COL26A1: variants seen among roughly 807,000 people sequenced by gnomAD.
The protein encoded by COL26A1 is collagen type XXVI alpha 1 chain.
A neutral mutation model predicts 59.3 loss-of-function variants in COL26A1; 41 were observed. The observed-to-expected ratio is 0.69, with a 90% CI of 0.54 to 0.90. COL26A1 has a LOEUF of 0.90. Ranked by LOEUF, COL26A1 falls within the 40% of genes least tolerant of loss-of-function variation. COL26A1 has a pLI of 0.00. For synonymous variants in COL26A1, 266 were observed against 256.0 expected (o/e 1.04, Z -0.37); for missense variants, 612 against 602.3 (o/e 1.02, Z -0.17).
chr7:101,416,305 T>C (rs1021456813), intron 1 of COL26A1, among the ~76,000 whole-genome samples: 5 of 142,650 alleles, frequency 3.5e-5, no homozygotes, highest in African/African-American at 7.4e-5. Flanking sequence ...GATGGGAGGA[T>C]TGCATGAGCC....
chr7:101,471,571 G>GTTTTTTTTTTTTTTTTT (rs71517177), intron 3 of COL26A1, among the ~76,000 whole-genome samples: 2 of 92,968 alleles, frequency 2.2e-5, no homozygotes, highest in Non-Finnish European at 4.5e-5. Flanking sequence ...GTTGTTGTTT[G>GTTTTTTTTTTTTTTTTT]TTTTTTTTTT....
intron 1 of COL26A1, among the ~76,000 whole-genome samples, chr7:101,365,774 G>T (rs2116992503): frequency 6.6e-6 from 1 of 151,842 alleles, no homozygotes; most frequent in East Asian, 1.9e-4. Context: ...GTTTTGCAAG[G>T]AGCGTATATT....
At chr7:101,510,653 G>T (rs372912406) in intron 3 of COL26A1, among the ~76,000 whole-genome samples, 2 of 152,154 alleles carry the variant, frequency 1.3e-5, no homozygotes, top group African/African-American at 4.8e-5. Context: ...GACTACAGGT[G>T]AGCACCACCA....
At chr7:101,510,038 T>TTTTTTTTTTTTTTTTTTTTTTTTC (rs1794891106) in intron 3 of COL26A1, among the ~76,000 whole-genome samples, 1 of 149,876 alleles carries the variant, frequency 6.7e-6, no homozygotes, top group African/African-American at 2.5e-5. Flanking sequence ...TTTTTTTTTT[T>TTTTTTTTTTTTTTTTTTTTTTTTC]TTTAAGAGGG....
Position 101,545,474 on chromosome 7 carries a change from G to A in COL26A1, c.840G>A (p.Pro280=), listed in dbSNP as rs374228629. Residue 280 remains proline (P), a synonymous_variant, in exon 7 of 13, where the codon CCG becomes CCA. Transcript: ENST00000313669. The part of the protein sequence containing the change: ...SPQGALYSLQ[P]PTDKDNGDSR... ...AGGGCGCCCTCTACTCCCTGCAGCCGCCTACAGACAAAGACAGTGAGTAAT... is the reference window on the plus strand; with the variant it reads ...AGGGCGCCCTCTACTCCCTGCAGCCACCTACAGACAAAGACAGTGAGTAAT... 1.6e-4 allele frequency: 264 copies of A among 1,606,354 alleles called. 2 individuals are homozygous for A. Among genetic ancestry groups the A allele is most frequent in the Middle Eastern group, 8.4e-4 (5 of 5,940 alleles).
chr7:101,431,185 G>T (rs1023639439), intron 2 of COL26A1, among the ~76,000 whole-genome samples: 1 of 152,124 alleles, frequency 6.6e-6, no homozygotes, highest in Non-Finnish European at 1.5e-5. Flanking sequence ...AGTGTGGAGA[G>T]AATTGTTTGT....
intron 1 of COL26A1, among the ~76,000 whole-genome samples, chr7:101,394,801 A>C (rs2130166900): frequency 6.6e-6 from 1 of 150,656 alleles, no homozygotes; most frequent in Middle Eastern, 3.5e-3. Context: ...ATGAGAAAGC[A>C]GGAGACCTCC....
chr7:101,541,602 C>T (rs748707927), intron 5 of COL26A1, among the ~76,000 whole-genome samples: 10 of 151,810 alleles, frequency 6.6e-5, no homozygotes, highest in Non-Finnish European at 7.4e-5. Context: ...CCTCATGCCT[C>T]GGCTTCCCAA....
Position 101,555,852 on chromosome 7 carries a change from G to A in COL26A1, c.1146G>A (p.Glu382=), listed in dbSNP as rs1163975701. The A allele has an allele frequency of 6.2e-7, 1 of 1,610,604 alleles. No individual in the cohort carries two copies. Among genetic ancestry groups the A allele is most frequent in the South Asian group, 1.1e-5 (1 of 89,906 alleles). Residue 382 remains glutamate, a synonymous_variant, in exon 12 of 13, where the codon GAG becomes GAA. Transcript: ENST00000313669. Reference sequence around the variant, plus strand: ...TGGCAGAGCGAGTCCTCATCCTGGAGCACATGATTGGGATCCACGGTGAGC... The same window carrying A: ...TGGCAGAGCGAGTCCTCATCCTGGAACACATGATTGGGATCCACGGTGAGC... The part of the protein sequence containing the change: ...KILAERVLIL[E]HMIGIHDPLA...
chr7:101,377,287 C>A (rs1791340658), intron 1 of COL26A1, among the ~76,000 whole-genome samples: 1 of 150,088 alleles, frequency 6.7e-6, no homozygotes, highest in Admixed American at 6.6e-5. Context: ...GGATTACAGG[C>A]ATGAGTCACT....
rs750899169 is a variant in COL26A1, at chr7:101,555,879, G to A, written c.1165+8G>A. 2 of 1,601,874 alleles carry A rather than the reference G, an allele frequency of 1.2e-6. No individual in the cohort carries two copies. The highest frequency in any genetic ancestry group is 2.3e-5 in the South Asian group (2 of 88,370). ...ACATGATTGGGATCCACGGTGAGCA[G>A]TGACCAGGATCAGCGGGCTGGGAAT... On this transcript the variant is annotated splice_region_variant and intron_variant, in intron 12 of 12. Transcript: ENST00000313669.
Position 101,373,015 on chromosome 7 carries a change from C to G in COL26A1, c.158+9825C>G, listed in dbSNP as rs117473484. Among the ~76,000 whole-genome samples the G allele has an allele frequency of 1.0e-3, 157 of 152,252 alleles. 1 individual carries two copies. In the East Asian group the frequency reaches 0.024, roughly 23 times the overall value. ...ACCATGGGCTTGGGCAGGCAGAGGA[C>G]AGGCACTGAGCTTTTGGAGTCTGGA... On this transcript the variant is annotated intron_variant, in intron 1 of 12. Transcript: ENST00000313669.
chr7:101,401,899 C>T (rs756376158), intron 1 of COL26A1, among the ~76,000 whole-genome samples: 13 of 152,226 alleles, frequency 8.5e-5, no homozygotes, highest in South Asian at 6.2e-4. Context: ...GTCGAAGCCA[C>T]GTTTCCTCTC....
chr7:101,460,673 C>T (rs1414787233), intron 3 of COL26A1, among the ~76,000 whole-genome samples: 1 of 151,888 alleles, frequency 6.6e-6, no homozygotes, highest in Non-Finnish European at 1.5e-5. Context: ...CCCAGCTACA[C>T]AGGAGGCTGA....
rs550056578 is a variant in COL26A1 at position 101,551,249 on chromosome 7, G to C, written c.1029+106G>C. The C allele has an allele frequency of 2.5e-5, 28 of 1,109,268 alleles. No individual in the cohort carries two copies. The East Asian group carries it at 7.3e-4, about 29-fold the overall frequency. The allele number at this position is 1,109,268 out of a possible 1,614,324, so 68.7% of individuals were successfully genotyped here. On this transcript the variant is annotated intron_variant, in intron 10 of 12. Transcript: ENST00000313669. Reference sequence around the variant, plus strand: ...GGTTGGTGGGGGGGTTCAGCCCTGGGTGGCCCTGCTGGAGCTCAGGCAACA... The same window carrying C: ...GGTTGGTGGGGGGGTTCAGCCCTGGCTGGCCCTGCTGGAGCTCAGGCAACA...
intron 3 of COL26A1, among the ~76,000 whole-genome samples, chr7:101,530,833 G>A (rs1279092416): frequency 6.6e-6 from 1 of 152,150 alleles, no homozygotes; most frequent in Non-Finnish European, 1.5e-5. Flanking sequence ...GGTTTGCAAG[G>A]CTGGCTGGTG....
intron 2 of COL26A1, among the ~76,000 whole-genome samples, chr7:101,430,306 C>T (rs117303302): frequency 0.014 from 2,186 of 152,042 alleles, 29 homozygotes; most frequent in Non-Finnish European, 0.02. Context: ...TTTCTTTCGA[C>T]GGAGTCTCAC....
intron 2 of COL26A1, among the ~76,000 whole-genome samples, chr7:101,434,183 CTT>C (rs1792856886): frequency 1.8e-5 from 2 of 113,138 alleles, no homozygotes; most frequent in African/African-American, 7.0e-5. Context: ...TCCTTCCTTC[CTT>C]CTCTCTCTCT....
At chr7:101,389,041 C>T (rs1359017541) in intron 1 of COL26A1, 1 of 260,260 alleles carries the variant, frequency 3.8e-6, no homozygotes, top group Non-Finnish European at 7.5e-6. Flanking sequence ...CCGTTTTTCA[C>T]CTTGCCACCA....
Sources: gnomAD v4.1 joint callset for allele counts (sites outside exome capture counted in the v4.1 genomes callset) on GRCh38, gnomAD v4.1.1 for gene constraint, MANE v1.5 for transcripts, NCBI Gene and HGNC (gene_info 2026-07-23, HGNC 2026-07-21) for gene names.